Variants in SPG7 observed in about 807,000 individuals in gnomAD.
The protein encoded by SPG7 is SPG7 matrix AAA peptidase subunit, paraplegin, also known as mitochondrial inner membrane m-AAA protease component paraplegin.
In SPG7, 103 loss-of-function variants were observed where a neutral mutation model predicts 81.9. That is an observed-to-expected ratio of 1.26 (90% CI 1.07 to 1.48). The LOEUF (loss-of-function observed/expected upper bound fraction) is 1.48. Among genes scored for constraint, SPG7 ranks in the 40% most tolerant of loss-of-function variants. The pLI, the probability that SPG7 is intolerant of heterozygous loss-of-function variation, is 0.00. For synonymous variants in SPG7, 534 were observed against 444.2 expected (o/e 1.20, Z -2.54); for missense variants, 1,241 against 1,087.3 (o/e 1.14, Z -1.99).
rs757046310 is a variant in SPG7 at position 89,508,460 on chromosome 16, C to T, written c.43C>T (p.Pro15Ser). ...GCTGCTCCGTGCCCTCCGCCGGGGTCCAGGCCCGGGTCCTCGGCCGCTGTG... is the reference window on the plus strand; with the variant it reads ...GCTGCTCCGTGCCCTCCGCCGGGGTTCAGGCCCGGGTCCTCGGCCGCTGTG... ...LLLLRALRRG[P>S]GPGPRPLWGP... is the part of the protein sequence containing the mutation. The change falls in exon 1 of 17, where the codon CCA becomes TCA. Residue 15 changes from proline to serine, a missense_variant. Pro to Ser is a moderately conservative substitution (Grantham distance 74). Transcript: ENST00000645818. 6 of 1,507,192 alleles carry T rather than the reference C, an allele frequency of 4.0e-6. No individual in the cohort carries two copies. Among genetic ancestry groups the T allele is most frequent in the Non-Finnish European group, 5.3e-6 (6 of 1,135,010 alleles). The allele number at this position is 1,507,192 out of a possible 1,614,324, so 93.4% of individuals were successfully genotyped here.
In SPG7 at chr16:89,532,184, G is replaced by A. The variant is rs942700599; in HGVS notation, c.1150+118G>A. The A allele has an allele frequency of 1.1e-4, 130 of 1,168,434 alleles. 1 individual carries two copies. Among genetic ancestry groups the A allele is most frequent in the Middle Eastern group, 2.8e-4 (1 of 3,570 alleles). The allele number at this position is 1,168,434 out of a possible 1,614,324, so 72.4% of individuals were successfully genotyped here. A position where few individuals can be genotyped will look rare whatever the true frequency, so the allele number is the denominator to read the frequency against. ...ACGGGTGGGTGGGGGAGTAGAGAAGGAAAGCGAGGTCTGGGTTGGCGGAGG... is the reference window on the plus strand; with the variant it reads ...ACGGGTGGGTGGGGGAGTAGAGAAGAAAAGCGAGGTCTGGGTTGGCGGAGG... On this transcript the variant is annotated intron_variant, in intron 8 of 16. Transcript: ENST00000645818.
intron 10 of SPG7, chr16:89,545,976 G>A (rs1218237754): frequency 2.3e-6 from 1 of 435,896 alleles, no homozygotes; most frequent in African/African-American, 2.1e-5. Context: ...GGACTACTAT[G>A]GGCGTGCGCC....
Position 89,548,057 on chromosome 16 carries a change from G to A in SPG7, c.1607G>A (p.Gly536Glu), listed in dbSNP as rs765195141. Residue 536 changes from glycine (G) to glutamate (E), a missense_variant, in exon 12 of 17, where the codon GGA (glycine) becomes GAA (glutamate). Gly to Glu is a moderately conservative substitution (Grantham distance 98). Coordinates refer to ENST00000645818, the MANE Select transcript of SPG7 (RefSeq NM_003119.4). The stretch of plus-strand genomic sequence containing the variant: ...GCTGCGCTGCACGCGGCGCGGGAGG[G>A]ACACACTTCCGTGCACACTCTCAAC... ...NEAALHAARE[G>E]HTSVHTLNFE... 3 of 1,611,346 alleles carry A rather than the reference G, an allele frequency of 1.9e-6. No homozygotes were observed. The highest frequency in any genetic ancestry group is 2.2e-5 in the East Asian group (1 of 44,876).
At chr16:89,544,878 C>G in intron 10 of SPG7, 106 bp downstream of exon 10, 3 of 1,401,584 alleles carry the variant, frequency 2.1e-6, no homozygotes, top group Non-Finnish European at 3.0e-6. Flanking sequence ...AAGCCTGTCA[C>G]AGCCCCACAG....
intron 3 of SPG7, chr16:89,520,798 G>T (rs1202032592): frequency 1.3e-5 from 2 of 152,066 alleles, no homozygotes; most frequent in Non-Finnish European, 2.9e-5. Context: ...CACCTGTCTC[G>T]ACTCCCAAAG....
At chr16:89,529,817 A>G (rs1430245919) in intron 6 of SPG7, 11 of 574,978 alleles carry the variant, frequency 1.9e-5, no homozygotes, top group African/African-American at 3.8e-5. Context: ...TTGTGAGATT[A>G]CAGGGCAGTT....
At chr16:89,528,031 T>C (rs2058287557) in intron 5 of SPG7, among the ~76,000 whole-genome samples, 1 of 152,072 alleles carries the variant, frequency 6.6e-6, no homozygotes, top group South Asian at 2.1e-4. Flanking sequence ...AGGCCAGTGA[T>C]GTACAGAAGA....
At chr16:89,552,881 G>A (rs2058649977) in intron 13 of SPG7, 98 bp from the exon 14 acceptor site, 3 of 1,207,204 alleles carry the variant, frequency 2.5e-6, no homozygotes, top group Non-Finnish European at 1.2e-6. Flanking sequence ...TTCCTGCTTT[G>A]AGACGCTTTA....
chr16:89,543,346 C>CATTTTTTTTT, intron 9 of SPG7: 1 of 107,022 alleles, frequency 9.3e-6, no homozygotes, highest in African/African-American at 3.5e-5. Context: ...TGGACCTTTT[C>CATTTTTTTTT]CTTTTTTTTT....
At position 89,531,717 on chromosome 16, in the gene SPG7, T is replaced by C. The variant is rs569484069; in HGVS notation, c.988-187T>C. 6.3e-6 allele frequency: 4 copies of C among 637,500 alleles called. No homozygotes were observed. The Admixed American group carries it at 7.3e-5, about 12-fold the overall frequency. The allele number at this position is 637,500 out of a possible 1,614,324, so 39.5% of individuals were successfully genotyped here. ...GTAGCTGGGCGTGGTGCCACATGCC[T>C]GTATATTCCCAGCTACTCGAGAGGC... On this transcript the variant is annotated intron_variant, in intron 7 of 16. Transcript: ENST00000645818.
At chr16:89,526,808 C>T (rs550481869) in intron 5 of SPG7, 15 of 353,118 alleles carry the variant, frequency 4.2e-5, no homozygotes, top group South Asian at 2.7e-4. Context: ...CAGCCCCCGA[C>T]GTAGGATGGC....
At chr16:89,519,534 C>G (rs1178576476) in intron 3 of SPG7, 1 of 152,068 alleles carries the variant, frequency 6.6e-6, no homozygotes, top group Non-Finnish European at 1.5e-5. Context: ...GCATGCGTCA[C>G]CACACCTGGC....
intron 11 of SPG7, 189 bp downstream of exon 11, chr16:89,546,949 C>A (rs2058572134): frequency 3.3e-6 from 2 of 602,122 alleles, no homozygotes; most frequent in Non-Finnish European, 6.1e-6. Context: ...GGCACCCGCA[C>A]TCCGTCCTCC....
chr16:89,510,413 A>G, intron 1 of SPG7, 77 bp from the exon 2 acceptor site: 1 of 884,450 alleles, frequency 1.1e-6, no homozygotes, highest in Non-Finnish European at 1.8e-6. Flanking sequence ...ACTTTTAAAA[A>G]CGATTTTTAG....
intron 10 of SPG7, chr16:89,546,080 C>T: frequency 9.9e-6 from 3 of 303,920 alleles, no homozygotes; most frequent in South Asian, 7.7e-5. Flanking sequence ...CCTCTCCTTC[C>T]AAGAGCGTTC....
At position 89,557,357 on chromosome 16, in the gene SPG7, C is replaced by T. The variant is rs2058697774; in HGVS notation, c.*264C>T. 2 of 512,426 alleles carry T rather than the reference C, an allele frequency of 3.9e-6. No individual in the cohort carries two copies. Among genetic ancestry groups the T allele is most frequent in the African/African-American group, 1.9e-5 (1 of 52,014 alleles). The allele number at this position is 512,426 out of a possible 1,614,324, so 31.7% of individuals were successfully genotyped here. A position where few individuals can be genotyped will look rare whatever the true frequency, so the allele number is the denominator to read the frequency against. ...CTTCCCGAGTGAGCATGGAACACTT[C>T]GAGTTCCCAGGGTTATAGACAGTCG... On this transcript the variant is annotated 3_prime_UTR_variant, in exon 17 of 17. Coordinates refer to ENST00000645818, the MANE Select transcript of SPG7 (RefSeq NM_003119.4).
At chr16:89,517,851 CGTT>C (rs1567900755) in intron 3 of SPG7, 1 of 152,160 alleles carries the variant, frequency 6.6e-6, no homozygotes, top group Non-Finnish European at 1.5e-5. Context: ...GATCTCCTGA[CGTT>C]GTGGTCTGCC....
chr16:89,513,980 T>C (rs979494337), intron 3 of SPG7, among the ~76,000 whole-genome samples: 2 of 152,130 alleles, frequency 1.3e-5, no homozygotes, highest in Non-Finnish European at 2.9e-5. Context: ...TCCTTCTTGA[T>C]TGATTTTGTG....
At chr16:89,536,632 T>C (rs1396109402) in intron 9 of SPG7, 6 of 959,326 alleles carry the variant, frequency 6.3e-6, no homozygotes, top group South Asian at 2.8e-5. Flanking sequence ...TGAGGGCGGG[T>C]GAGGCGGGCG....
Sources: allele counts gnomAD v4.1 joint callset (sites outside exome capture counted in the v4.1 genomes callset), GRCh38; gene constraint gnomAD v4.1.1; transcripts MANE v1.5; gene names NCBI Gene and HGNC (gene_info 2026-07-23, HGNC 2026-07-21).